LDB2: variants seen among roughly 807,000 people sequenced by gnomAD.
The protein encoded by LDB2 is LIM domain-binding protein 2.
LDB2 carries 12 observed loss-of-function variants against 44.3 expected under a neutral mutation model. That is an observed-to-expected ratio of 0.27 (90% CI 0.17 to 0.44). The LOEUF (loss-of-function observed/expected upper bound fraction) is 0.44. Ranked by LOEUF, LDB2 falls within the 20% of genes least tolerant of loss-of-function variation. LDB2 has a pLI of 1.00. For synonymous variants in LDB2, 164 were observed against 174.8 expected, an observed-to-expected ratio of 0.94 and a Z score of 0.49; for missense variants, 344 against 473.5, an observed-to-expected ratio of 0.73 and a Z score of 2.54.
At chr4:16,736,817 AT>A (rs1331976310) in intron 2 of LDB2, among the ~76,000 whole-genome samples, 2 of 152,250 alleles carry the variant, frequency 1.3e-5, no homozygotes, top group East Asian at 3.8e-4. Context: ...GGACCTCTTC[AT>A]AAAAAGATTT....
At chr4:16,844,248 CAAAAAAAAAAAAAAAAA>C (rs34034796) in intron 1 of LDB2, among the ~76,000 whole-genome samples, 2 of 30,060 alleles carry the variant, frequency 6.7e-5, no homozygotes. Context: ...ACCCTGTCTC[CAAAAAAAAAAAAAAAAA>C]AAAAAAAAAG....
At chr4:16,830,783 G>A (rs148995965) in intron 1 of LDB2, among the ~76,000 whole-genome samples, 1 of 152,296 alleles carries the variant, frequency 6.6e-6, no homozygotes, top group East Asian at 1.9e-4. Context: ...TATTGGACCC[G>A]AGGAGGTCCA....
At chr4:16,869,812 G>A (rs572222408) in intron 1 of LDB2, among the ~76,000 whole-genome samples, 85 of 152,252 alleles carry the variant, frequency 5.6e-4, no homozygotes, top group African/African-American at 1.9e-3. Context: ...ATTTTTGGTC[G>A]CCTTCCATCT....
chr4:16,511,426 G>T (rs1391606197), intron 6 of LDB2, among the ~76,000 whole-genome samples: 1 of 152,120 alleles, frequency 6.6e-6, no homozygotes, highest in African/African-American at 2.4e-5. Context: ...TTCATGATCA[G>T]AACTTTTGAT....
At chr4:16,733,943 G>A (rs1761301893) in intron 2 of LDB2, among the ~76,000 whole-genome samples, 1 of 152,126 alleles carries the variant, frequency 6.6e-6, no homozygotes, top group East Asian at 1.9e-4. Flanking sequence ...TGAATACTTG[G>A]GAGAGACGGA....
intron 1 of LDB2, among the ~76,000 whole-genome samples, chr4:16,839,178 G>C (rs1251558352): frequency 6.7e-6 from 1 of 148,258 alleles, no homozygotes; most frequent in East Asian, 2.0e-4. Context: ...TGCTATAAAA[G>C]AATACCTGAG....
At chr4:16,699,242 C>T (rs1029797274) in intron 2 of LDB2, among the ~76,000 whole-genome samples, 5 of 152,160 alleles carry the variant, frequency 3.3e-5, no homozygotes, top group African/African-American at 9.7e-5. Context: ...TTTCTCATGA[C>T]GTTCTGATAA....
chr4:16,675,071 T>A (rs1441474123), intron 2 of LDB2, among the ~76,000 whole-genome samples: 2 of 152,202 alleles, frequency 1.3e-5, no homozygotes, highest in Non-Finnish European at 2.9e-5. Flanking sequence ...TTAAATGCAA[T>A]CATTTATTTT....
At chr4:16,821,097 G>A (rs1396933668) in intron 1 of LDB2, among the ~76,000 whole-genome samples, 2 of 152,148 alleles carry the variant, frequency 1.3e-5, no homozygotes, top group African/African-American at 2.4e-5. Flanking sequence ...AGTAGAGAAT[G>A]TGCAAAGTTG....
intron 5 of LDB2, among the ~76,000 whole-genome samples, chr4:16,515,209 C>G (rs1723182047): frequency 6.6e-6 from 1 of 152,170 alleles, no homozygotes; most frequent in African/African-American, 2.4e-5. Context: ...ACTGCATATT[C>G]TCACTTACAA....
chr4:16,604,986 A>T (rs1339711006), intron 2 of LDB2, among the ~76,000 whole-genome samples: 1 of 152,206 alleles, frequency 6.6e-6, no homozygotes, highest in Non-Finnish European at 1.5e-5. Context: ...CTAAGTTAGA[A>T]AGATAAGGCC....
chr4:16,692,623 C>T (rs934881159), intron 2 of LDB2, among the ~76,000 whole-genome samples: 2 of 151,822 alleles, frequency 1.3e-5, no homozygotes, highest in African/African-American at 4.8e-5. Context: ...ATAAAAAGAA[C>T]CTCTTCAAGT....
intron 2 of LDB2, among the ~76,000 whole-genome samples, chr4:16,734,703 C>CTTT (rs539507998): frequency 1.5e-4 from 20 of 129,378 alleles, no homozygotes; most frequent in Non-Finnish European, 2.1e-4. Context: ...TTCTTGTTTT[C>CTTT]TTTTTTTTTT....
Position 16,585,966 on chromosome 4 carries a change from T to C in LDB2, c.571A>G (p.Ile191Val). 6.2e-7 allele frequency: 1 copy of C among 1,613,980 alleles called. No homozygotes were observed. The highest frequency in any genetic ancestry group is 8.5e-7 in the Non-Finnish European group (1 of 1,179,902). Residue 191 changes from isoleucine to valine, a missense_variant, in exon 5 of 8, where the codon ATC becomes GTC. This residue lies in a region of LDB2 where 226 missense variants were observed against 270.1 expected (regional missense o/e 0.84). Coordinates refer to ENST00000304523, the MANE Select transcript of LDB2 (RefSeq NM_001290.5). ...PQVLDQLSKNITRMGLTNFTL... is the reference protein window; with the variant it reads ...PQVLDQLSKNVTRMGLTNFTL... ...AAGTTTGTTAGCCCCATCCTGGTGA[T>C]GTTTTTGGACAGCTGATCCAGGACC...
intron 2 of LDB2, among the ~76,000 whole-genome samples, chr4:16,701,095 G>T (rs1753334911): frequency 6.6e-6 from 1 of 152,214 alleles, no homozygotes; most frequent in South Asian, 2.1e-4. Context: ...GCAAGGAAGT[G>T]ATTGAAATAG....
At chr4:16,558,395 G>A (rs1270131326) in intron 5 of LDB2, among the ~76,000 whole-genome samples, 3 of 152,292 alleles carry the variant, frequency 2.0e-5, no homozygotes, top group East Asian at 1.9e-4. Flanking sequence ...GCCAAGGCTC[G>A]GGAACTACGT....
chr4:16,593,627 T>C (rs1719881970), intron 3 of LDB2, among the ~76,000 whole-genome samples: 1 of 152,212 alleles, frequency 6.6e-6, no homozygotes, highest in East Asian at 1.9e-4. Context: ...GGTATGGAAA[T>C]ATTCATTTCA....
chr4:16,807,073 T>G (rs761705181), intron 1 of LDB2, among the ~76,000 whole-genome samples: 4 of 152,216 alleles, frequency 2.6e-5, no homozygotes, highest in Non-Finnish European at 4.4e-5. Context: ...CTGGGACACA[T>G]TGACAAGTCC....
At chr4:16,506,598 A>G (rs1719553874) in intron 7 of LDB2, 2 of 152,228 alleles carry the variant, frequency 1.3e-5, no homozygotes, top group South Asian at 4.1e-4. Flanking sequence ...AACTTCTACA[A>G]CCATGTCAGA....
Sources: gnomAD v4.1 joint callset for allele counts (sites outside exome capture counted in the v4.1 genomes callset) on GRCh38, gnomAD v4.1.1 for gene constraint, gnomAD v4.1.1 regional missense constraint, MANE v1.5 for transcripts, NCBI Gene and HGNC (gene_info 2026-07-23, HGNC 2026-07-21) for gene names.